The following CHODL variants were observed in gnomAD, a reference collection of about 807,000 sequenced individuals.
The protein encoded by CHODL is chondrolectin, also known as transmembrane protein MT75.
A neutral mutation model predicts 34.5 loss-of-function variants in CHODL; 29 were observed. That is an observed-to-expected ratio of 0.84 (90% CI 0.63 to 1.15). The LOEUF is 1.15. Ranked by LOEUF, CHODL falls within the 50% of genes most tolerant of loss-of-function variation. The pLI is 0.00. For synonymous variants in CHODL, 125 were observed against 116.1 expected (o/e 1.08, Z -0.49); for missense variants, 332 against 332.5 (o/e 1.00, Z 0.01).
intron 2 of CHODL, among the ~76,000 whole-genome samples, chr21:18,218,507 T>C (rs890192124): frequency 1.3e-5 from 2 of 152,074 alleles, no homozygotes; most frequent in African/African-American, 4.8e-5. Flanking sequence ...GACCTCTAGG[T>C]TCATGATGAG....
rs17836349 is a variant in CHODL at position 18,263,989 on chromosome 21, A to G, written c.737+1096A>G. Among the ~76,000 whole-genome samples the G allele has an allele frequency of 5.8e-3, 875 of 152,166 alleles. 46 individuals carry two copies. The East Asian group carries it at 0.14, about 24-fold the overall frequency. On this transcript the variant is annotated intron_variant, in intron 5 of 5. Coordinates refer to ENST00000299295, the MANE Select transcript of CHODL (RefSeq NM_024944.3). ...TTCCATACATGTTAGATGACTGTAG[A>G]ATAAAGTTGTGCTGATCTTACTTAT... is the stretch of plus-strand genomic sequence containing the variant.
At chr21:18,198,456 G>A (rs957173985) in intron 2 of CHODL, among the ~76,000 whole-genome samples, 2 of 152,066 alleles carry the variant, frequency 1.3e-5, no homozygotes, top group African/African-American at 4.8e-5. Flanking sequence ...CAGCATTATA[G>A]TTATTCAAAA....
At chr21:18,103,949 T>C (rs987947335) in intron 2 of CHODL, among the ~76,000 whole-genome samples, 3 of 152,218 alleles carry the variant, frequency 2.0e-5, no homozygotes, top group African/African-American at 7.2e-5. Flanking sequence ...AGCTTCAGTT[T>C]TGCCCTTTTA....
chr21:18,250,300 C>T (rs2074219040), intron 1 of CHODL, among the ~76,000 whole-genome samples: 1 of 151,550 alleles, frequency 6.6e-6, no homozygotes, highest in Non-Finnish European at 1.5e-5. Context: ...TTCTAATCTC[C>T]ATTGTAAATA....
intron 2 of CHODL, among the ~76,000 whole-genome samples, chr21:18,123,953 C>T (rs537818416): frequency 3.9e-4 from 60 of 152,180 alleles, no homozygotes; most frequent in Middle Eastern, 3.4e-3. Context: ...GAGGCCGAGG[C>T]GGGCGGATCA....
At chr21:18,215,116 C>G (rs2073811406) in intron 2 of CHODL, among the ~76,000 whole-genome samples, 1 of 151,648 alleles carries the variant, frequency 6.6e-6, no homozygotes, top group South Asian at 2.1e-4. Flanking sequence ...CGTCTTGCCT[C>G]ATAATTGTCT....
intron 1 of CHODL, among the ~76,000 whole-genome samples, chr21:17,934,673 C>G (rs1474720649): frequency 6.6e-6 from 1 of 152,032 alleles, no homozygotes; most frequent in Non-Finnish European, 1.5e-5. Flanking sequence ...TTCATCCCAC[C>G]TCTTCCTTTT....
intron 1 of CHODL, among the ~76,000 whole-genome samples, chr21:17,968,576 T>C (rs1888948791): frequency 6.6e-6 from 1 of 152,216 alleles, no homozygotes; most frequent in Non-Finnish European, 1.5e-5. Flanking sequence ...AATTTTACTT[T>C]TCTTTCACCA....
chr21:18,264,705 A>G (rs904677267), intron 5 of CHODL, among the ~76,000 whole-genome samples: 1 of 152,094 alleles, frequency 6.6e-6, no homozygotes, highest in Non-Finnish European at 1.5e-5. Context: ...GTGGAAAGAC[A>G]GAAGATAGCA....
intron 2 of CHODL, among the ~76,000 whole-genome samples, chr21:18,091,080 C>G (rs2065067822): frequency 6.6e-6 from 1 of 152,176 alleles, no homozygotes; most frequent in African/African-American, 2.4e-5. Context: ...GCATTGATCT[C>G]AATGTTTCCC....
At chr21:18,153,231 T>C (rs935738655) in intron 2 of CHODL, among the ~76,000 whole-genome samples, 2 of 152,186 alleles carry the variant, frequency 1.3e-5, no homozygotes, top group Admixed American at 6.5e-5. Context: ...GCAGAGCTGA[T>C]TTCCTGTCTG....
chr21:18,159,250 CA>C, intron 2 of CHODL, among the ~76,000 whole-genome samples: 1 of 152,174 alleles, frequency 6.6e-6, no homozygotes, highest in Non-Finnish European at 1.5e-5. Context: ...TCAAGGTTGA[CA>C]AACCCTGGCA....
chr21:18,094,516 G>A (rs972581396), intron 2 of CHODL, among the ~76,000 whole-genome samples: 6 of 152,012 alleles, frequency 3.9e-5, no homozygotes, highest in Non-Finnish European at 7.4e-5. Context: ...CTTCTCTAAC[G>A]ATAATGGAAT....
rs1039333737 is a variant in CHODL, at chr21:18,075,855, G to A, written c.-45+47884G>A. 2.6e-5 allele frequency among the ~76,000 whole-genome samples: 4 copies of A among 152,128 alleles called. No homozygotes were observed. The South Asian group carries it at 6.2e-4, about 24-fold the overall frequency. On this transcript the variant is annotated intron_variant, in intron 2 of 6. Transcript: ENST00000400127. ...GAAAGGTGATTAGGTAACAGGAGCA[G>A]GACTGTCGTGAGTAGGATTAGTGCC...
intron 1 of CHODL, among the ~76,000 whole-genome samples, chr21:18,002,078 G>A (rs1315311852): frequency 6.6e-6 from 1 of 151,948 alleles, no homozygotes; most frequent in Non-Finnish European, 1.5e-5. Context: ...CTGTACTTTT[G>A]TCATGGTATT....
intron 1 of CHODL, among the ~76,000 whole-genome samples, chr21:17,959,022 A>G (rs202013561): frequency 1.3e-5 from 2 of 152,002 alleles, no homozygotes; most frequent in Non-Finnish European, 2.9e-5. Context: ...AGACAAAACT[A>G]CACAAGTTCC....
chr21:18,033,444 C>T (rs895407389), intron 2 of CHODL, among the ~76,000 whole-genome samples: 1 of 151,970 alleles, frequency 6.6e-6, no homozygotes, highest in Non-Finnish European at 1.5e-5. Context: ...CAGGTGGTAT[C>T]AGAAACTGAT....
chr21:18,244,822 G>A (rs771383332), upstream of CHODL: 18 of 179,786 alleles, frequency 1.0e-4, no homozygotes, highest in Non-Finnish European at 1.7e-4. Context: ...GTGCCTGAGC[G>A]CAGAGCGGCT....
chr21:18,113,186 A>G (rs950089628), intron 2 of CHODL, among the ~76,000 whole-genome samples: 2 of 152,224 alleles, frequency 1.3e-5, no homozygotes, highest in African/African-American at 4.8e-5. Flanking sequence ...AACATTCACC[A>G]TCAGAGAAAT....
Sources: allele counts gnomAD v4.1 joint callset (sites outside exome capture counted in the v4.1 genomes callset), GRCh38; gene constraint gnomAD v4.1.1; transcripts MANE v1.5; gene names NCBI Gene and HGNC (gene_info 2026-07-23, HGNC 2026-07-21).